SLC68A1: variants seen among roughly 807,000 people sequenced by gnomAD.
The protein encoded by SLC68A1 is major facilitator superfamily domain containing 13A.
chr10:102,468,687 G>C, the SLC68A1 span: 1 of 190,244 alleles, frequency 5.3e-6, no homozygotes, highest in Non-Finnish European at 1.1e-5. Flanking sequence ...AAAAGACATC[G>C]AGCATCCAGC....
the SLC68A1 span, among the ~76,000 whole-genome samples, chr10:102,467,904 T>C: frequency 0.47 from 72,071 of 151,970 alleles, 17,726 homozygotes; most frequent in Middle Eastern, 0.62. Context: ...GTGATCCGCC[T>C]ACCCCGGCCT....
the SLC68A1 span, among the ~76,000 whole-genome samples, chr10:102,470,458 G>T: frequency 2.0e-5 from 3 of 152,216 alleles, no homozygotes; most frequent in Non-Finnish European, 4.4e-5. Context: ...TAATAAGGGG[G>T]TGGAAATTGG....
chr10:102,470,176 G>A, the SLC68A1 span: 1 of 1,105,408 alleles, frequency 9.0e-7, no homozygotes, highest in Non-Finnish European at 1.3e-6. Flanking sequence ...AGGAAGGGGA[G>A]ACTATTTCAG....
chr10:102,466,327 A>G, the SLC68A1 span, among the ~76,000 whole-genome samples: 2 of 151,908 alleles, frequency 1.3e-5, no homozygotes, highest in South Asian at 2.1e-4. Flanking sequence ...CTACAAAAAT[A>G]CAAAAATAAG....
At chr10:102,472,779 G>A in the SLC68A1 span, 2 of 1,090,178 alleles carry the variant, frequency 1.8e-6, no homozygotes, top group Non-Finnish European at 2.8e-6. Flanking sequence ...GGGGATGTGT[G>A]TTCCCCTGTT....
chr10:102,471,501 T>C, the SLC68A1 span: 4 of 1,495,842 alleles, frequency 2.7e-6, no homozygotes, highest in Non-Finnish European at 3.6e-6. Flanking sequence ...GGCTCATGCC[T>C]GTAGTCCCAG....
At chr10:102,475,447 G>A in the SLC68A1 span, among the ~76,000 whole-genome samples, 1 of 152,142 alleles carries the variant, frequency 6.6e-6, no homozygotes, top group Admixed American at 6.6e-5. Flanking sequence ...TTTGGAGTTG[G>A]GGGGAGATGA....
At chr10:102,470,882 C>A in the SLC68A1 span, 2 of 1,613,132 alleles carry the variant, frequency 1.2e-6, no homozygotes, top group East Asian at 4.5e-5. Flanking sequence ...CCTCTCAGCC[C>A]ACGACCGCAC....
At chr10:102,463,106 C>T in the SLC68A1 span, among the ~76,000 whole-genome samples, 1 of 151,470 alleles carries the variant, frequency 6.6e-6, no homozygotes, top group Non-Finnish European at 1.5e-5. Context: ...ATTGACTGAG[C>T]AAGCTGAGGG....
the SLC68A1 span, among the ~76,000 whole-genome samples, chr10:102,464,374 C>T: frequency 2.0e-5 from 3 of 152,012 alleles, no homozygotes; most frequent in Non-Finnish European, 4.4e-5. Context: ...TTTCTTGAAC[C>T]TGGGAGGCGG....
chr10:102,464,955 T>C, the SLC68A1 span, among the ~76,000 whole-genome samples: 2 of 151,090 alleles, frequency 1.3e-5, no homozygotes, highest in African/African-American at 4.9e-5. Context: ...CCCAGTTCTA[T>C]GAAAAATACA....
At chr10:102,471,314 A>G in the SLC68A1 span, 1 of 1,613,954 alleles carries the variant, frequency 6.2e-7, no homozygotes, top group South Asian at 1.1e-5. Flanking sequence ...GAGGAGGCGG[A>G]CAGCATCACC....
chr10:102,467,363 C>T, the SLC68A1 span, among the ~76,000 whole-genome samples: 1 of 152,092 alleles, frequency 6.6e-6, no homozygotes, highest in Admixed American at 6.6e-5. Context: ...ATACGTTACT[C>T]AGAAAAGCAG....
the SLC68A1 span, chr10:102,470,111 T>C: frequency 6.3e-7 from 1 of 1,591,384 alleles, no homozygotes; most frequent in Non-Finnish European, 8.6e-7. Context: ...ATTGGTTCAG[T>C]CCCACCCTAC....
chr10:102,469,191 C>A, the SLC68A1 span: 3 of 1,613,184 alleles, frequency 1.9e-6, no homozygotes, highest in South Asian at 1.1e-5. Flanking sequence ...CCTTCTGGGT[C>A]GGAGAGGTAG....
the SLC68A1 span, chr10:102,471,024 G>T: frequency 1.2e-6 from 2 of 1,613,548 alleles, no homozygotes; most frequent in Non-Finnish European, 8.5e-7. Context: ...GTCAGCTCTG[G>T]GCTGGGCTTT....
At chr10:102,464,352 G>T in the SLC68A1 span, among the ~76,000 whole-genome samples, 1 of 152,132 alleles carries the variant, frequency 6.6e-6, no homozygotes, top group Non-Finnish European at 1.5e-5. Context: ...TTGGGAGGCT[G>T]AGGCAGGAAA....
chr10:102,468,184 G>T, the SLC68A1 span: 3 of 152,094 alleles, frequency 2.0e-5, no homozygotes, highest in Non-Finnish European at 2.9e-5. Context: ...TTCCCTTCCC[G>T]TCTTCCTTAT....
chr10:102,464,831 A>C, the SLC68A1 span, among the ~76,000 whole-genome samples: 1 of 150,760 alleles, frequency 6.6e-6, no homozygotes, highest in South Asian at 2.1e-4. Flanking sequence ...GAAAATGGCT[A>C]CTGTGGGCCA....
Sources: allele counts gnomAD v4.1 joint callset (sites outside exome capture counted in the v4.1 genomes callset), GRCh38; gene constraint gnomAD v4.1.1; transcripts MANE v1.5; gene names NCBI Gene and HGNC (gene_info 2026-07-23, HGNC 2026-07-21).